FAM53B: variants seen among roughly 807,000 people sequenced by gnomAD.
The protein encoded by FAM53B is protein FAM53B.
A neutral mutation model predicts 32.7 loss-of-function variants in FAM53B; 12 were observed. That is an observed-to-expected ratio of 0.37 (90% CI 0.24 to 0.59). The LOEUF is 0.59. FAM53B is among the 20% of genes least tolerant of loss of function. The pLI, the probability that FAM53B is intolerant of heterozygous loss-of-function variation, is 0.72. For missense variants in FAM53B, 477 were observed against 577.7 expected (o/e 0.83, Z 1.79); for synonymous variants, 234 against 228.7 (o/e 1.02, Z -0.21).
At chr10:124,688,440 T>C (rs980461408) in intron 3 of FAM53B, among the ~76,000 whole-genome samples, 1 of 152,218 alleles carries the variant, frequency 6.6e-6, no homozygotes, top group African/African-American at 2.4e-5. Context: ...TGCATTTGTG[T>C]GTAGCGTAAA....
At chr10:124,659,508 C>G (rs1949616004) in intron 4 of FAM53B, among the ~76,000 whole-genome samples, 1 of 152,230 alleles carries the variant, frequency 6.6e-6, no homozygotes, top group Non-Finnish European at 1.5e-5. Flanking sequence ...AGCCTCCTGG[C>G]TCCAGGCTGG....
rs142614580 is a variant in FAM53B, at chr10:124,623,410, G to A, written c.1101C>T (p.Leu367=). The A allele has an allele frequency of 1.9e-4, 300 of 1,610,584 alleles. 4 individuals carry two copies. The highest frequency in any genetic ancestry group is 1.3e-3 in the South Asian group (122 of 90,918). The change falls in exon 5 of 5, where the codon CTC becomes CTT. Residue 367 remains leucine (L), a synonymous_variant. Coordinates refer to ENST00000337318, the MANE Select transcript of FAM53B (RefSeq NM_014661.4). ...EPLPPSFDDH[L]ACQEDLSCEE... is the part of the protein sequence containing the mutation. The stretch of plus-strand genomic sequence containing the variant: ...CACAGGACAGGTCCTCCTGGCAGGC[G>A]AGGTGGTCGTCGAAGGAAGGGGGAA...
intron 4 of FAM53B, among the ~76,000 whole-genome samples, chr10:124,677,969 C>T (rs988528226): frequency 6.6e-6 from 1 of 152,222 alleles, no homozygotes; most frequent in African/African-American, 2.4e-5. Context: ...GAGTTGACTA[C>T]AGGCTGAGCT....
intron 3 of FAM53B, among the ~76,000 whole-genome samples, chr10:124,690,178 A>AAATGCATATTTACTG (rs1949825086): frequency 6.6e-6 from 1 of 152,242 alleles, no homozygotes; most frequent in African/African-American, 2.4e-5. Context: ...AACTGTCAAT[A>AAATGCATATTTACTG]AATGCATATT....
chr10:124,681,967 G>A lies in FAM53B; in HGVS notation c.546C>T (p.Asp182=), dbSNP rs1482202091. 1.2e-6 allele frequency: 2 copies of A among 1,614,080 alleles called. No individual in the cohort carries two copies. The highest frequency in any genetic ancestry group is 2.2e-5 in the East Asian group (1 of 44,880). ...SRANVLSSPC[D]QAGLHHRFGG... is the part of the protein sequence containing the mutation. ...CAAATCGGTGGTGGAGTCCTGCCTG[G>A]TCGCAGGGTGAGGAGAGCACGTTGG... The change falls in exon 4 of 5, where the codon GAC becomes GAT. Residue 182 remains aspartate, a synonymous_variant. Coordinates refer to ENST00000337318, the MANE Select transcript of FAM53B (RefSeq NM_014661.4).
intron 1 of FAM53B, among the ~76,000 whole-genome samples, chr10:124,711,532 C>CA (rs963431661): frequency 2.1e-4 from 32 of 149,140 alleles, no homozygotes; most frequent in South Asian, 1.1e-3. Context: ...TAAATGATCT[C>CA]AAAAAAAAAA....
intron 4 of FAM53B, among the ~76,000 whole-genome samples, chr10:124,661,296 C>T (rs937391506): frequency 6.6e-6 from 1 of 152,184 alleles, no homozygotes; most frequent in African/African-American, 2.4e-5. Flanking sequence ...TCAACAGACA[C>T]TGGGACCTCT....
At chr10:124,692,608 G>A (rs958583872) in intron 3 of FAM53B, among the ~76,000 whole-genome samples, 7 of 150,964 alleles carry the variant, frequency 4.6e-5, no homozygotes, top group Admixed American at 2.0e-4. Context: ...CCAGCTACTC[G>A]GGAGGCTGAG....
At chr10:124,665,686 G>A (rs1020034416) in intron 4 of FAM53B, among the ~76,000 whole-genome samples, 2 of 152,206 alleles carry the variant, frequency 1.3e-5, no homozygotes, top group Admixed American at 1.3e-4. Flanking sequence ...CACGTGGGCC[G>A]GTGATATGGC....
intron 4 of FAM53B, among the ~76,000 whole-genome samples, chr10:124,657,534 T>C (rs1427459999): frequency 1.3e-5 from 2 of 152,216 alleles, no homozygotes; most frequent in African/African-American, 2.4e-5. Flanking sequence ...TTCAGAGGAA[T>C]TTAAATTTCT....
Position 124,686,289 on chromosome 10 carries a change from C to T in FAM53B, c.134-3910G>A, listed in dbSNP as rs554680482. On this transcript the variant is annotated intron_variant, in intron 3 of 4. Coordinates refer to ENST00000337318, the MANE Select transcript of FAM53B (RefSeq NM_014661.4). ...CTACCAAAACCCAGGGGCATCAGAG[C>T]TGGGTGATGAATTCCTACAGGACCT... Among the ~76,000 whole-genome samples, 6 of 152,336 alleles carry T rather than the reference C, an allele frequency of 3.9e-5. No homozygotes were observed. In the East Asian group the frequency reaches 1.2e-3, roughly 29 times the overall value.
intron 3 of FAM53B, among the ~76,000 whole-genome samples, chr10:124,689,496 G>A (rs1015368768): frequency 3.9e-5 from 6 of 152,208 alleles, no homozygotes; most frequent in African/African-American, 1.2e-4. Context: ...TAAAATGGCA[G>A]CTGTGTCTTG....
At chr10:124,629,603 A>G (rs1589730149) in intron 4 of FAM53B, among the ~76,000 whole-genome samples, 1 of 152,080 alleles carries the variant, frequency 6.6e-6, no homozygotes, top group Non-Finnish European at 1.5e-5. Flanking sequence ...TTCCTCCCCA[A>G]ACAGACGCTT....
intron 1 of FAM53B, chr10:124,742,629 A>C (rs571237238): frequency 3.9e-5 from 6 of 152,420 alleles, no homozygotes; most frequent in Admixed American, 3.9e-4. Flanking sequence ...GCCAATAAAC[A>C]ATGCCATTCC....
At chr10:124,728,915 G>A (rs1218841039) in intron 1 of FAM53B, among the ~76,000 whole-genome samples, 1 of 152,198 alleles carries the variant, frequency 6.6e-6, no homozygotes, top group African/African-American at 2.4e-5. Flanking sequence ...GGAGAAACTG[G>A]CTTTGGAGCA....
At chr10:124,696,512 G>GC (rs1186575680) in intron 2 of FAM53B, among the ~76,000 whole-genome samples, 5 of 152,168 alleles carry the variant, frequency 3.3e-5, no homozygotes, top group African/African-American at 1.2e-4. Context: ...TGTGGAGGCG[G>GC]CCCGGGGGCA....
At chr10:124,691,135 C>T (rs1010247858) in intron 3 of FAM53B, among the ~76,000 whole-genome samples, 24 of 152,286 alleles carry the variant, frequency 1.6e-4, no homozygotes, top group Middle Eastern at 3.4e-3. Flanking sequence ...CAAAAGCTAC[C>T]AAATCTCAAA....
chr10:124,697,015 G>A (rs1223780268), intron 2 of FAM53B, among the ~76,000 whole-genome samples: 3 of 152,132 alleles, frequency 2.0e-5, no homozygotes, highest in African/African-American at 7.2e-5. Flanking sequence ...TGGCTACACA[G>A]TAAGCTGGGT....
intron 1 of FAM53B, among the ~76,000 whole-genome samples, chr10:124,708,810 A>C (rs1033149211): frequency 1.1e-4 from 16 of 152,122 alleles, no homozygotes; most frequent in African/African-American, 3.6e-4. Flanking sequence ...CTCCTCCCCC[A>C]TTTCCAGCCT....
Sources: allele counts gnomAD v4.1 joint callset (sites outside exome capture counted in the v4.1 genomes callset), GRCh38; gene constraint gnomAD v4.1.1; transcripts MANE v1.5; gene names NCBI Gene and HGNC (gene_info 2026-07-23, HGNC 2026-07-21).